Variants in LRP6 observed in about 807,000 individuals in gnomAD.
LRP6 encodes LDL receptor related protein 6.
Under a neutral mutation model 184.1 loss-of-function variants are expected in LRP6, and 43 were observed. The ratio of observed to expected loss-of-function variants is 0.23; its 90% CI spans 0.18 to 0.30. LRP6 has a LOEUF of 0.30. Ranked by LOEUF, LRP6 falls within the 10% of genes least tolerant of loss-of-function variation. The probability of loss-of-function intolerance (pLI) is 1.00; values close to 1 mark genes in which losing one functional copy is unlikely to be tolerated. For synonymous variants in LRP6, 719 were observed against 684.9 expected (o/e 1.05, Z -0.78); for missense variants, 1,571 against 2,005.3 (o/e 0.78, Z 4.14).
chr12:12,148,313 ATAAC>A (rs1009308657), intron 14 of LRP6, among the ~76,000 whole-genome samples: 7 of 152,090 alleles, frequency 4.6e-5, no homozygotes, highest in Non-Finnish European at 8.8e-5. Context: ...AATCTATTTA[ATAAC>A]TAAAAAGAAG....
At chr12:12,165,935 T>C (rs1295987151) in intron 7 of LRP6, among the ~76,000 whole-genome samples, 2 of 152,194 alleles carry the variant, frequency 1.3e-5, no homozygotes, top group Non-Finnish European at 2.9e-5. Context: ...AACTAGGATG[T>C]ACCTTCTCTT....
rs576392637 is a variant in LRP6 at position 12,138,749 on chromosome 12, A to T, written c.3398-215T>A. 2.1e-5 allele frequency: 31 copies of T among 1,487,242 alleles called. No individual in the cohort carries two copies. In the South Asian group the frequency reaches 3.9e-4, roughly 19 times the overall value. 92.1% of individuals were successfully genotyped at this position (1,487,242 alleles called of 1,614,324 possible). On this transcript the variant is annotated intron_variant, in intron 15 of 22. Coordinates refer to ENST00000261349, the MANE Select transcript of LRP6 (RefSeq NM_002336.3). ...TGCAATCAAGAGCAAGTAAGTGCCC[A>T]ATGTGCAGTAAATATTCTAGTTCAT...
chr12:12,242,419 A>C (rs982404306), intron 2 of LRP6, among the ~76,000 whole-genome samples: 1 of 152,196 alleles, frequency 6.6e-6, no homozygotes, highest in Admixed American at 6.5e-5. Context: ...GTAAAATTGA[A>C]CTTGTCAAGA....
At chr12:12,153,356 T>C (rs1425661731) in intron 12 of LRP6, among the ~76,000 whole-genome samples, 2 of 152,122 alleles carry the variant, frequency 1.3e-5, no homozygotes, top group Admixed American at 6.6e-5. Flanking sequence ...TCCCAGAGTT[T>C]TAGTTCCCAT....
At chr12:12,211,648 T>A (rs1022512090) in intron 2 of LRP6, among the ~76,000 whole-genome samples, 4 of 152,304 alleles carry the variant, frequency 2.6e-5, no homozygotes, top group South Asian at 2.1e-4. Flanking sequence ...ACAGTATGCA[T>A]CATCATGAAA....
chr12:12,166,635 A>G (rs1348637872), intron 7 of LRP6, among the ~76,000 whole-genome samples: 1 of 152,212 alleles, frequency 6.6e-6, no homozygotes, highest in Non-Finnish European at 1.5e-5. Context: ...CTGGTGTAAA[A>G]GCATAAACTA....
rs1565537286 is a variant in LRP6, at chr12:12,131,812, T to G, written c.3970+9A>C. The stretch of plus-strand genomic sequence containing the variant: ...ATTGCATGCTGAGGCACTGAAGAAT[T>G]CTGGATACCTTCACAGTTCTTCTCA... On this transcript the variant is annotated intron_variant, in intron 18 of 22. Coordinates refer to ENST00000261349, the MANE Select transcript of LRP6 (RefSeq NM_002336.3). 2 of 1,611,244 alleles carry G rather than the reference T, an allele frequency of 1.2e-6. No individual in the cohort carries two copies. The highest frequency in any genetic ancestry group is 1.3e-5 in the African/African-American group (1 of 74,992).
chr12:12,144,486 A>G (rs1949975135), intron 15 of LRP6, among the ~76,000 whole-genome samples: 1 of 152,188 alleles, frequency 6.6e-6, no homozygotes, highest in Admixed American at 6.5e-5. Context: ...CTCTACAAAA[A>G]TAAAATTAGC....
chr12:12,200,010 C>T (rs1200071620), intron 3 of LRP6, among the ~76,000 whole-genome samples: 1 of 144,262 alleles, frequency 6.9e-6, no homozygotes, highest in Non-Finnish European at 1.5e-5. Context: ...AGGCTCTTCT[C>T]ATCCAGAGGT....
At chr12:12,247,140 T>C (rs993372436) in intron 1 of LRP6, among the ~76,000 whole-genome samples, 1 of 152,176 alleles carries the variant, frequency 6.6e-6, no homozygotes, top group African/African-American at 2.4e-5. Context: ...ATACTGAGTC[T>C]CTCATACTAT....
chr12:12,241,650 C>T (rs1304027556), intron 2 of LRP6, among the ~76,000 whole-genome samples: 1 of 152,004 alleles, frequency 6.6e-6, no homozygotes, highest in African/African-American at 2.4e-5. Flanking sequence ...GCTCTCTCTC[C>T]CCTACTCTCC....
chr12:12,187,157 A>C (rs1421060564), intron 3 of LRP6, 38 bp from the exon 4 acceptor site: 1 of 1,568,052 alleles, frequency 6.4e-7, no homozygotes, highest in Non-Finnish European at 8.7e-7. Flanking sequence ...CTTATTTCTA[A>C]ATTTTCTTCT....
intron 2 of LRP6, among the ~76,000 whole-genome samples, chr12:12,214,607 G>A (rs1864291204): frequency 6.6e-6 from 1 of 152,172 alleles, no homozygotes; most frequent in African/African-American, 2.4e-5. Flanking sequence ...TCTTTTGGTT[G>A]CATTTATTTG....
chr12:12,120,978 C>A lies in LRP6; in HGVS notation c.*148G>T. The A allele has an allele frequency of 1.7e-6, 1 of 590,184 alleles. No individual in the cohort carries two copies. Among genetic ancestry groups the A allele is most frequent in the South Asian group, 3.8e-5 (1 of 26,570 alleles). 36.6% of individuals were successfully genotyped at this position (590,184 alleles called of 1,614,324 possible). ...ATATCCTTTTCTTCTGTACAAATAT[C>A]TCCAGTATTCCCTACCCCATTTTAT... On this transcript the variant is annotated 3_prime_UTR_variant, in exon 23 of 23. Transcript: ENST00000261349.
rs1389761749 is a variant in LRP6, at chr12:12,116,511, T to C, written c.*4615A>G. The C allele has an allele frequency of 6.6e-6, 1 of 152,202 alleles. No homozygotes were observed. Among genetic ancestry groups the C allele is most frequent in the Non-Finnish European group, 1.5e-5 (1 of 68,034 alleles). 9.4% of individuals were successfully genotyped at this position (152,202 alleles called of 1,614,324 possible). A position where few individuals can be genotyped will look rare whatever the true frequency, so the allele number is the denominator to read the frequency against. On this transcript the variant is annotated 3_prime_UTR_variant, in exon 23 of 23. Transcript: ENST00000261349. ...TACCCATATTTAGGCATTAGATATA[T>C]AGAATATGTATCTATATATAAATAT... is the stretch of plus-strand genomic sequence containing the variant.
Position 12,199,209 on chromosome 12 carries a change from C to G in LRP6, c.647+3994G>C, listed in dbSNP as rs558827691. Among the ~76,000 whole-genome samples the G allele has an allele frequency of 3.3e-5, 5 of 151,780 alleles. No individual in the cohort carries two copies. The East Asian group carries it at 9.7e-4, about 29-fold the overall frequency. On this transcript the variant is annotated intron_variant, in intron 3 of 22. Coordinates refer to ENST00000261349, the MANE Select transcript of LRP6 (RefSeq NM_002336.3). ...ATTGAACCTTTGGCACTAGGAATCA[C>G]AGCATTTTGTCATATAGCATGAACA...
intron 7 of LRP6, among the ~76,000 whole-genome samples, chr12:12,172,610 T>C (rs150021563): frequency 6.6e-6 from 1 of 152,366 alleles, no homozygotes; most frequent in African/African-American, 2.4e-5. Flanking sequence ...CCTCTTCTAA[T>C]GTTCCAGACA....
At chr12:12,205,374 A>C (rs1038412478) in intron 2 of LRP6, among the ~76,000 whole-genome samples, 6 of 149,408 alleles carry the variant, frequency 4.0e-5, no homozygotes, top group African/African-American at 1.5e-4. Context: ...TGAGGGTGCT[A>C]TGAAACAGAT....
chr12:12,138,509 G>A lies in LRP6; in HGVS notation c.3423C>T (p.Asp1141=), dbSNP rs778837998. The change falls in exon 16 of 23, where the codon GAC becomes GAT. Residue 1141 remains aspartate (D), a synonymous_variant. Transcript: ENST00000261349. ...GTCCCACAGGCTGCAAGATATTGGA[G>A]TCTTCTAATACTATCCGGTTAGCAC... ...LSGANRIVLE[D]SNILQPVGLT... The A allele has an allele frequency of 6.2e-7, 1 of 1,613,882 alleles. No individual in the cohort carries two copies.
Sources: allele counts gnomAD v4.1 joint callset (sites outside exome capture counted in the v4.1 genomes callset), GRCh38; gene constraint gnomAD v4.1.1; transcripts MANE v1.5; gene names NCBI Gene and HGNC (gene_info 2026-07-23, HGNC 2026-07-21).